The following PRDM16 variants were observed in gnomAD, a reference collection of about 807,000 sequenced individuals.
The protein encoded by PRDM16 is PR/SET domain 16, also known as histone-lysine N-methyltransferase PRDM16.
In PRDM16, 23 loss-of-function variants were observed where a neutral mutation model predicts 110.6. The ratio of observed to expected loss-of-function variants is 0.21; its 90% CI spans 0.15 to 0.29. The LOEUF (loss-of-function observed/expected upper bound fraction) is 0.29. Among genes scored for constraint, PRDM16 ranks in the 10% least tolerant of loss-of-function variants. PRDM16 has a pLI of 1.00. For synonymous variants in PRDM16, 799 were observed against 781.8 expected (o/e 1.02, Z -0.37); for missense variants, 1,615 against 1,794.3 (o/e 0.90, Z 1.81).
intron 1 of PRDM16, among the ~76,000 whole-genome samples, chr1:3,099,636 G>A (rs138083411): frequency 4.1e-4 from 62 of 152,330 alleles, no homozygotes; most frequent in African/African-American, 1.4e-3. Context: ...CTGCCAGCAC[G>A]TGCCGAGTGC....
Position 3,425,280 on chromosome 1 carries a change from A to T in PRDM16, c.2940-301A>T, listed in dbSNP as rs183192346. The T allele has an allele frequency of 4.4e-6, 1 of 229,448 alleles. No individual in the cohort carries two copies. The highest frequency in any genetic ancestry group is 2.3e-5 in the African/African-American group (1 of 43,962). The allele number at this position is 229,448 out of a possible 1,614,324, so 14.2% of individuals were successfully genotyped here. A position where few individuals can be genotyped will look rare whatever the true frequency, so the allele number is the denominator to read the frequency against. ...TTTTTAGTAGAGACGGGGTTTCACC[A>T]TGTCAGCCAGGATGGTCTCGATCTC... On this transcript the variant is annotated intron_variant, in intron 12 of 16. Coordinates refer to ENST00000270722, the MANE Select transcript of PRDM16 (RefSeq NM_022114.4). The surrounding 1 kb of genome is among the most constrained non-coding windows in gnomAD (Gnocchi z 6.9).
intron 3 of PRDM16, among the ~76,000 whole-genome samples, chr1:3,299,767 T>C (rs527936891): frequency 1.6e-4 from 15 of 93,412 alleles, no homozygotes; most frequent in African/African-American, 5.1e-4. Context: ...CTGCCCTGGT[T>C]GAAGATGCTA....
chr1:3,181,162 GCGGTCTTA>G (rs1210005083), intron 1 of PRDM16, among the ~76,000 whole-genome samples: 4 of 19,860 alleles, frequency 2.0e-4, no homozygotes, highest in African/African-American at 4.3e-4. Context: ...AGTCTTACAC[GCGGTCTTA>G]CGGTCTTACA....
chr1:3,282,654 G>T (rs916505573), intron 3 of PRDM16, among the ~76,000 whole-genome samples: 20 of 152,266 alleles, frequency 1.3e-4, no homozygotes, highest in Admixed American at 8.5e-4. Flanking sequence ...GAAAAAACTC[G>T]CCAAGAGAGC....
At chr1:3,134,871 C>T (rs943303033) in intron 1 of PRDM16, among the ~76,000 whole-genome samples, 2 of 152,186 alleles carry the variant, frequency 1.3e-5, no homozygotes, top group Non-Finnish European at 2.9e-5. Context: ...GTGGGACACC[C>T]GGGAGCCCAC....
At position 3,085,665 on chromosome 1, in the gene PRDM16, C is replaced by T. The variant is rs190355896; in HGVS notation, c.37+16369C>T. On this transcript the variant is annotated intron_variant, in intron 1 of 16. Transcript: ENST00000270722. Reference sequence around the variant, plus strand: ...TCAAGAACGGGTGGTCCCTTTAGGACGCCCAGCATCCTGCCCATGTGTGTG... The same window carrying T: ...TCAAGAACGGGTGGTCCCTTTAGGATGCCCAGCATCCTGCCCATGTGTGTG... Among the ~76,000 whole-genome samples the T allele has an allele frequency of 2.3e-3, 351 of 152,288 alleles. 1 individual carries two copies. The highest frequency in any genetic ancestry group is 0.014 in the Admixed American group (220 of 15,306).
intron 2 of PRDM16, among the ~76,000 whole-genome samples, chr1:3,199,280 C>T (rs1341979249): frequency 6.6e-6 from 1 of 151,962 alleles, no homozygotes; most frequent in Non-Finnish European, 1.5e-5. Flanking sequence ...CCCCAAAGAG[C>T]GGTGGGGGTC....
At chr1:3,162,434 A>G (rs1643906836) in intron 1 of PRDM16, among the ~76,000 whole-genome samples, 1 of 152,200 alleles carries the variant, frequency 6.6e-6, no homozygotes, top group Non-Finnish European at 1.5e-5. Context: ...CATCCCAGGG[A>G]AGCAAGCATA....
chr1:3,181,191 T>TACGGTCTTACAC (rs1376100576), intron 1 of PRDM16, among the ~76,000 whole-genome samples: 1 of 120,814 alleles, frequency 8.3e-6, no homozygotes, highest in African/African-American at 3.3e-5. Context: ...CACGCAGTCT[T>TACGGTCTTACAC]ACGGTCTTAC....
chr1:3,230,030 T>G (rs1390033393), intron 2 of PRDM16, among the ~76,000 whole-genome samples: 1 of 152,220 alleles, frequency 6.6e-6, no homozygotes, highest in African/African-American at 2.4e-5. Context: ...GCACTTCGGA[T>G]GCATGGCTGT....
chr1:3,212,484 C>T (rs1336594200), intron 2 of PRDM16, among the ~76,000 whole-genome samples: 1 of 152,112 alleles, frequency 6.6e-6, no homozygotes, highest in Non-Finnish European at 1.5e-5. Flanking sequence ...GGCCAAGGCC[C>T]CTCTCTCCTC....
chr1:3,245,776 C>T lies in PRDM16; in HGVS notation c.438+1639C>T, dbSNP rs933863952. The stretch of plus-strand genomic sequence containing the variant: ...TAGAGGAGCAGGAAACAGTTAGCAG[C>T]GCTGCTGTATTTCCGAGAACTGCAG... On this transcript the variant is annotated intron_variant, in intron 3 of 16. Transcript: ENST00000270722. This position sits in a 1 kb window ranked among gnomAD's most constrained non-coding sequence, Gnocchi z 4.7. Among the ~76,000 whole-genome samples the T allele has an allele frequency of 3.3e-5, 5 of 152,140 alleles. No homozygotes were observed. The highest frequency in any genetic ancestry group is 1.3e-4 in the Admixed American group (2 of 15,278).
At chr1:3,192,050 A>G (rs754619366) in intron 2 of PRDM16, among the ~76,000 whole-genome samples, 7 of 152,010 alleles carry the variant, frequency 4.6e-5, no homozygotes, top group Non-Finnish European at 4.4e-5. Context: ...CACCCAGGCC[A>G]CCCTTTCCCA....
At chr1:3,082,205 G>A (rs1403627890) in intron 1 of PRDM16, among the ~76,000 whole-genome samples, 4 of 152,208 alleles carry the variant, frequency 2.6e-5, no homozygotes, top group Non-Finnish European at 5.9e-5. Context: ...AGGCCCCCGC[G>A]GCCAGGCCCT....
intron 3 of PRDM16, among the ~76,000 whole-genome samples, chr1:3,326,541 A>G (rs561684248): frequency 1.4e-4 from 21 of 152,094 alleles, no homozygotes; most frequent in Non-Finnish European, 2.6e-4. Context: ...CTGGAGGTCA[A>G]CCAAGGGTGA....
intron 1 of PRDM16, among the ~76,000 whole-genome samples, chr1:3,141,999 C>T (rs1210851597): frequency 3.3e-5 from 5 of 152,250 alleles, no homozygotes; most frequent in Admixed American, 6.5e-5. Flanking sequence ...AACGTGGGGC[C>T]GCACTGTGCA....
intron 3 of PRDM16, chr1:3,306,750 G>A (rs749511007): frequency 6.6e-6 from 1 of 152,140 alleles, no homozygotes; most frequent in East Asian, 1.9e-4. Context: ...ACAGACTTGT[G>A]CAACCATCAC....
Position 3,194,703 on chromosome 1 carries a change from C to T in PRDM16, c.387+8229C>T, listed in dbSNP as rs542265762. On this transcript the variant is annotated intron_variant, in intron 2 of 16. Coordinates refer to ENST00000270722, the MANE Select transcript of PRDM16 (RefSeq NM_022114.4). ...TGATCGCCACACGCCATCGTCTCCC[C>T]GCCACACGCCACCGTCTCCCCGCCA... Among the ~76,000 whole-genome samples, 19 of 150,674 alleles carry T rather than the reference C, an allele frequency of 1.3e-4. 1 individual carries two copies. The highest frequency in any genetic ancestry group is 2.7e-4 in the Non-Finnish European group (18 of 67,690).
rs938973493 is a variant in PRDM16, at chr1:3,070,875, C to A, written c.37+1579C>A. ...CGTTCCCGGCCCCTGGGTGAGGCGC[C>A]CCCTTCCCGCCGCGCTCCGCTGCCG... is the stretch of plus-strand genomic sequence containing the variant. On this transcript the variant is annotated intron_variant, in intron 1 of 16. Coordinates refer to ENST00000270722, the MANE Select transcript of PRDM16 (RefSeq NM_022114.4). Among the ~76,000 whole-genome samples the A allele has an allele frequency of 1.1e-4, 16 of 152,210 alleles. 1 individual carries two copies. The highest frequency in any genetic ancestry group is 1.0e-3 in the Admixed American group (16 of 15,286).
Sources: allele counts gnomAD v4.1 joint callset (sites outside exome capture counted in the v4.1 genomes callset), GRCh38; gene constraint gnomAD v4.1.1; non-coding constraint Gnocchi (gnomAD v3.1); transcripts MANE v1.5; gene names NCBI Gene and HGNC (gene_info 2026-07-23, HGNC 2026-07-21).